The following REXO5 variants were observed in gnomAD, a reference collection of about 807,000 sequenced individuals.
REXO5 encodes RNA exonuclease 5, also known as exonuclease NEF-sp.
In REXO5, 48 loss-of-function variants were observed where a neutral mutation model predicts 88.5. The ratio of observed to expected loss-of-function variants is 0.54; its 90% CI spans 0.43 to 0.69. REXO5 has a LOEUF of 0.69. REXO5 is among the 30% of genes least tolerant of loss of function. The pLI, the probability that REXO5 is intolerant of heterozygous loss-of-function variation, is 0.00. For synonymous variants in REXO5, 311 were observed against 336.5 expected (o/e 0.92, Z 0.83); for missense variants, 749 against 912.2 (o/e 0.82, Z 2.30).
intron 14 of REXO5, 91 bp downstream of exon 14, chr16:20,839,950 G>T: frequency 1.2e-6 from 1 of 804,902 alleles, no homozygotes; most frequent in Non-Finnish European, 2.0e-6. Context: ...TATTTAATTT[G>T]TTGTGTTTTT....
chr16:20,848,860 A>G (rs2081650865), intron 19 of REXO5, among the ~76,000 whole-genome samples: 1 of 152,266 alleles, frequency 6.6e-6, no homozygotes, highest in African/African-American at 2.4e-5. Flanking sequence ...TGGAATGAAC[A>G]AAGACTAAGA....
chr16:20,821,981 C>A, intron 6 of REXO5, 79 bp downstream of exon 6: 1 of 1,366,334 alleles, frequency 7.3e-7, no homozygotes, highest in Non-Finnish European at 9.7e-7. Context: ...GTTTGAGATT[C>A]ATTTATCTGG....
intron 2 of REXO5, chr16:20,807,368 G>A: frequency 2.5e-6 from 1 of 405,900 alleles, no homozygotes; most frequent in Non-Finnish European, 4.5e-6. Flanking sequence ...CACGAGGTCA[G>A]GAGTTCGAGA....
upstream of REXO5, chr16:20,806,521 G>A (rs764281996): frequency 7.6e-5 from 117 of 1,537,130 alleles, no homozygotes; most frequent in Admixed American, 4.9e-4. Context: ...AGGCTGAGGG[G>A]CGGTTGTTGT....
intron 1 of REXO5, 21 bp from the exon 2 acceptor site, chr16:20,806,931 C>T (rs1355008736): frequency 1.3e-6 from 2 of 1,567,986 alleles, no homozygotes; most frequent in South Asian, 2.3e-5. Context: ...TTCCCCAGCT[C>T]TACCTCATCT....
chr16:20,806,515 T>C (rs1208648414), upstream of REXO5: 7 of 1,539,576 alleles, frequency 4.5e-6, no homozygotes, highest in African/African-American at 1.4e-5. Flanking sequence ...CCCGCGAGGC[T>C]GAGGGGCGGT....
At chr16:20,848,763 G>GT (rs960173667) in intron 19 of REXO5, among the ~76,000 whole-genome samples, 9 of 152,162 alleles carry the variant, frequency 5.9e-5, no homozygotes, top group African/African-American at 1.4e-4. Flanking sequence ...ACCACACCAG[G>GT]TTTTTTACAA....
Position 20,844,618 on chromosome 16 carries a change from T to A in REXO5, c.1720-11T>A, listed in dbSNP as rs760495475. The A allele has an allele frequency of 4.3e-6, 7 of 1,612,924 alleles. No homozygotes were observed. In the African/African-American group the frequency reaches 9.3e-5, roughly 22 times the overall value. On this transcript the variant is annotated splice_polypyrimidine_tract_variant and intron_variant, in intron 16 of 19. Transcript: ENST00000261377. The stretch of plus-strand genomic sequence containing the variant: ...GATTTTCTACCACTAACACCAACTT[T>A]CCTTGGTTAGGTGCAGAGGCCTGTG...
At chr16:20,847,207 C>T (rs2081619737) in intron 19 of REXO5, among the ~76,000 whole-genome samples, 1 of 148,100 alleles carries the variant, frequency 6.8e-6, no homozygotes, top group Non-Finnish European at 1.5e-5. Context: ...CTCAGGAGTT[C>T]AAGACCAGAC....
intron 5 of REXO5, among the ~76,000 whole-genome samples, chr16:20,819,383 CTTTCCTTTCCTTTCCTTTCT>C (rs1352420699): frequency 6.0e-5 from 9 of 150,036 alleles, no homozygotes; most frequent in African/African-American, 2.4e-5. Context: ...TTCTTCATTT[CTTTCCTTTCCTTTCCTTTCT>C]TTTCCTTTCC....
chr16:20,807,387 G>C (rs959391809), intron 2 of REXO5: 16 of 341,636 alleles, frequency 4.7e-5, no homozygotes, highest in Non-Finnish European at 7.6e-5. Flanking sequence ...GACCAGCCTT[G>C]TCAACATGGA....
chr16:20,815,143 C>T, intron 4 of REXO5, 90 bp downstream of exon 4: 1 of 1,391,838 alleles, frequency 7.2e-7, no homozygotes, highest in Non-Finnish European at 9.7e-7. Flanking sequence ...CCTTGGCAAC[C>T]TAACTGAACA....
intron 2 of REXO5, among the ~76,000 whole-genome samples, chr16:20,811,685 A>G (rs2081001257): frequency 6.6e-6 from 1 of 152,216 alleles, no homozygotes; most frequent in South Asian, 2.1e-4. Flanking sequence ...AGTAGTACAC[A>G]CTTACAAAGT....
At chr16:20,828,943 C>CAA (rs57714781) in intron 11 of REXO5, among the ~76,000 whole-genome samples, 7 of 94,624 alleles carry the variant, frequency 7.4e-5, no homozygotes, top group South Asian at 3.2e-4. Context: ...GACTTCATCT[C>CAA]AAAAAAAAAA....
rs150794237 is a variant in REXO5, at chr16:20,846,307, T to A, written c.2211T>A (p.Thr737=). ...GKLYNSLCPG[T]LCLILLPGTK... Reference sequence around the variant, plus strand: ...TCTACAACAGCTTGTGCCCGGGCACTCTCTGCCTCATCCTGCTGCCAGGAA... The same window carrying A: ...TCTACAACAGCTTGTGCCCGGGCACACTCTGCCTCATCCTGCTGCCAGGAA... The change falls in exon 19 of 20, where the codon ACT becomes ACA. Residue 737 remains threonine (T), a synonymous_variant. Transcript: ENST00000261377. 207 of 1,613,986 alleles carry A rather than the reference T, an allele frequency of 1.3e-4. No homozygotes were observed. In the African/African-American group the frequency reaches 2.4e-3, roughly 19 times the overall value.
intron 11 of REXO5, among the ~76,000 whole-genome samples, chr16:20,830,870 C>T (rs1023360490): frequency 1.3e-5 from 2 of 151,628 alleles, no homozygotes; most frequent in Non-Finnish European, 2.9e-5. Context: ...GACCCAGGGA[C>T]TCTGGGTTAC....
At chr16:20,808,612 ATTT>A (rs751042762) in intron 2 of REXO5, among the ~76,000 whole-genome samples, 10 of 108,406 alleles carry the variant, frequency 9.2e-5, no homozygotes, top group Admixed American at 5.1e-4. Context: ...TAGGGATGTG[ATTT>A]TTTTTTTTTT....
chr16:20,813,433 T>C, intron 3 of REXO5, 131 bp downstream of exon 3: 1 of 580,392 alleles, frequency 1.7e-6, no homozygotes, highest in Non-Finnish European at 3.0e-6. Context: ...TTTTTTGCTA[T>C]GCAGCATGTC....
chr16:20,813,588 C>T (rs1453282231), intron 3 of REXO5, among the ~76,000 whole-genome samples: 1 of 152,068 alleles, frequency 6.6e-6, no homozygotes, highest in Non-Finnish European at 1.5e-5. Flanking sequence ...GTGGTGGTCT[C>T]CCCCTTTATA....
Sources: allele counts gnomAD v4.1 joint callset (sites outside exome capture counted in the v4.1 genomes callset), GRCh38; gene constraint gnomAD v4.1.1; transcripts MANE v1.5; gene names NCBI Gene and HGNC (gene_info 2026-07-23, HGNC 2026-07-21).